The following VCX2 variants were observed in gnomAD, a reference collection of about 807,000 sequenced individuals.
The protein encoded by VCX2 is variable charge X-linked 2, also known as variable charge X-linked protein 2.
For synonymous variants in VCX2, 37 were observed against 53.9 expected, an observed-to-expected ratio of 0.69 and a Z score of 1.38; for missense variants, 83 against 116.6, an observed-to-expected ratio of 0.71 and a Z score of 1.33.
intron 1 of VCX2, 74 bp downstream of exon 1, chrX:8,171,033 C>T (rs1931600556): frequency 3.3e-6 from 1 of 300,756 alleles, no homozygotes; most frequent in Admixed American, 5.8e-5. Context: ...ACATGTTTCC[C>T]CCGGACCTCC....
rs148167054 is a variant in VCX2 at position 8,170,182 on chromosome X, C to T, written c.270G>A (p.Pro90=). 6.2e-5 allele frequency: 70 copies of T among 1,137,523 alleles called. No individual in the cohort carries two copies. The highest frequency in any genetic ancestry group is 7.9e-5 in the African/African-American group (3 of 38,171). The allele number at this position is 1,137,523 out of a possible 1,213,427, so 93.7% of individuals were successfully genotyped here. ...PSQELPQHEL[P]PEEPVSEGTQ... is the part of the protein sequence containing the mutation. ...TCCCCTCGCTCACTGGCTCCTCCGGCGGCAGCTCGTGCTGAGGGAGCTCCT... is the reference window on the plus strand; with the variant it reads ...TCCCCTCGCTCACTGGCTCCTCCGGTGGCAGCTCGTGCTGAGGGAGCTCCT... Residue 90 remains proline (P), a synonymous_variant, in exon 3 of 3, where the codon CCG becomes CCA. Transcript: ENST00000317103.
At position 8,169,945 on chromosome X, in the gene VCX2, C is replaced by G. The variant is rs1298514224; in HGVS notation, c.*87G>C. The G allele has an allele frequency of 1.0e-6, 1 of 958,516 alleles. No individual in the cohort carries two copies. Among genetic ancestry groups the G allele is most frequent in the African/African-American group, 3.4e-5 (1 of 29,527 alleles). The allele number at this position is 958,516 out of a possible 1,213,427, so 79.0% of individuals were successfully genotyped here. ...TCAGAGAACACGGAGTCACTCAGAT[C>G]AATTTGCAACACATTCATTTTATTA... On this transcript the variant is annotated 3_prime_UTR_variant, in exon 3 of 3. Coordinates refer to ENST00000317103, the MANE Select transcript of VCX2 (RefSeq NM_016378.3).
In VCX2 at chrX:8,170,142, G is replaced by T. The variant is rs757082080; in HGVS notation, c.310C>A (p.Leu104Met). ...PVSEGTQHDPLSQESEVEEPL... is the reference protein window; with the variant it reads ...PVSEGTQHDPMSQESEVEEPL... ...TCTTCCACCTCGCTCTCCTGACTCAGGGGGTCGTGCTGGGTCCCCTCGCTC... is the reference window on the plus strand; with the variant it reads ...TCTTCCACCTCGCTCTCCTGACTCATGGGGTCGTGCTGGGTCCCCTCGCTC... The change falls in exon 3 of 3, where the codon CTG (leucine) becomes ATG (methionine). Residue 104 changes from leucine to methionine, a missense_variant. Leu to Met is a conservative substitution (Grantham distance 15). Transcript: ENST00000317103. 16 of 1,080,034 alleles carry T rather than the reference G, an allele frequency of 1.5e-5. No individual in the cohort carries two copies. The highest frequency in any genetic ancestry group is 2.0e-5 in the Non-Finnish European group (16 of 816,752). The allele number at this position is 1,080,034 out of a possible 1,213,427, so 89.0% of individuals were successfully genotyped here. A position where few individuals can be genotyped will look rare whatever the true frequency, so the allele number is the denominator to read the frequency against.
Position 8,169,957 on chromosome X carries a change from C to T in VCX2, c.*75G>A, listed in dbSNP as rs1170159369. Reference sequence around the variant, plus strand: ...GAGTCACTCAGATCAATTTGCAACACATTCATTTTATTATCTTCAGAATGG... The same window carrying T: ...GAGTCACTCAGATCAATTTGCAACATATTCATTTTATTATCTTCAGAATGG... On this transcript the variant is annotated 3_prime_UTR_variant, in exon 3 of 3. Transcript: ENST00000317103. 7 of 1,085,344 alleles carry T rather than the reference C, an allele frequency of 6.4e-6. No individual in the cohort carries two copies. Among genetic ancestry groups the T allele is most frequent in the Non-Finnish European group, 8.5e-6 (7 of 827,470 alleles). 89.4% of individuals were successfully genotyped at this position (1,085,344 alleles called of 1,213,427 possible).
In VCX2 at chrX:8,170,080, C is replaced by T; in HGVS notation, c.372G>A (p.Leu124=). The T allele has an allele frequency of 8.3e-7, 1 of 1,199,462 alleles. No individual in the cohort carries two copies. The highest frequency in any genetic ancestry group is 1.1e-6 in the Non-Finnish European group (1 of 891,450). ...LSQESEVEEP[L]TVWMASFSPV... Reference sequence around the variant, plus strand: ...GGGAAAAGCTGGCCATCCACACAGTCAGTGGTTCTTCCACCTCGCTCTCCT... The same window carrying T: ...GGGAAAAGCTGGCCATCCACACAGTTAGTGGTTCTTCCACCTCGCTCTCCT... Residue 124 remains leucine (L), a synonymous_variant, in exon 3 of 3, where the codon CTG becomes CTA. Coordinates refer to ENST00000317103, the MANE Select transcript of VCX2 (RefSeq NM_016378.3).
rs759303482 is a variant in VCX2 at position 8,170,268 on chromosome X, C to T, written c.184G>A (p.Val62Met). The change falls in exon 3 of 3, where the codon GTG becomes ATG. Residue 62 changes from valine to methionine, a missense_variant. Coordinates refer to ENST00000317103, the MANE Select transcript of VCX2 (RefSeq NM_016378.3). The stretch of plus-strand genomic sequence containing the variant: ...GCGCTCTCCGCCTCAGGTGCCGTCA[C>T]GGCCGCCATCTTTGTCGCAGCCCCT... ...KKGAATKMAA[V>M]TAPEAESAPA... 38 of 1,091,087 alleles carry T rather than the reference C, an allele frequency of 3.5e-5. No homozygotes were observed. The highest frequency in any genetic ancestry group is 2.5e-4 in the South Asian group (13 of 52,072). The allele number at this position is 1,091,087 out of a possible 1,213,427, so 89.9% of individuals were successfully genotyped here.
Position 8,170,092 on chromosome X carries a change from C to T in VCX2, c.360G>A (p.Val120=). The change falls in exon 3 of 3, where the codon GTG becomes GTA. Residue 120 remains valine, a synonymous_variant. Transcript: ENST00000317103. ...VEEPLSQESE[V]EEPLTVWMAS... is the part of the protein sequence containing the mutation. ...CCATCCACACAGTCAGTGGTTCTTC[C>T]ACCTCGCTCTCCTGACTCAGTGGTT... 2 of 1,195,287 alleles carry T rather than the reference C, an allele frequency of 1.7e-6. No homozygotes were observed. The highest frequency in any genetic ancestry group is 2.2e-6 in the Non-Finnish European group (2 of 890,157).
rs1490752908 is a variant in VCX2 at position 8,171,127 on chromosome X, C to G, written c.-167G>C. 7 of 191,568 alleles carry G rather than the reference C, an allele frequency of 3.7e-5. No homozygotes were observed. The highest frequency in any genetic ancestry group is 3.1e-4 in the South Asian group (3 of 9,632). 15.8% of individuals were successfully genotyped at this position (191,568 alleles called of 1,213,427 possible). ...CCTATCTAAAATCCCTCCATGCTAA[C>G]TGGGATGGATGGAGGGCTATACGAA... On this transcript the variant is annotated 5_prime_UTR_variant, in exon 1 of 3. Coordinates refer to ENST00000317103, the MANE Select transcript of VCX2 (RefSeq NM_016378.3).
At position 8,170,024 on chromosome X, in the gene VCX2, G is replaced by T; in HGVS notation, c.*8C>A. On this transcript the variant is annotated 3_prime_UTR_variant, in exon 3 of 3. Coordinates refer to ENST00000317103, the MANE Select transcript of VCX2 (RefSeq NM_016378.3). ...GAGATCTCTGAGGTCTGGCGGCTGG[G>T]CCTGAACTTAGTCGGTGCTCTCGGA... The T allele has an allele frequency of 8.3e-7, 1 of 1,198,012 alleles. No individual in the cohort carries two copies.
At position 8,170,128 on chromosome X, in the gene VCX2, G is replaced by A. The variant is rs200914527; in HGVS notation, c.324C>T (p.Ser108=). The A allele has an allele frequency of 5.1e-6, 5 of 980,023 alleles. No homozygotes were observed. Among genetic ancestry groups the A allele is most frequent in the East Asian group, 6.7e-5 (2 of 29,991 alleles). 80.8% of individuals were successfully genotyped at this position (980,023 alleles called of 1,213,427 possible). ...GTQHDPLSQE[S]EVEEPLSQES... is the part of the protein sequence containing the mutation. ...CCTGACTCAGTGGTTCTTCCACCTC[G>A]CTCTCCTGACTCAGGGGGTCGTGCT... Residue 108 remains serine (S), a synonymous_variant, in exon 3 of 3, where the codon AGC becomes AGT. Coordinates refer to ENST00000317103, the MANE Select transcript of VCX2 (RefSeq NM_016378.3).
chrX:8,169,970 A>T lies in VCX2; in HGVS notation c.*62T>A, dbSNP rs1162966542. 1.8e-6 allele frequency: 2 copies of T among 1,124,124 alleles called. No individual in the cohort carries two copies. The highest frequency in any genetic ancestry group is 5.2e-5 in the Admixed American group (2 of 38,446). 92.6% of individuals were successfully genotyped at this position (1,124,124 alleles called of 1,213,427 possible). On this transcript the variant is annotated 3_prime_UTR_variant, in exon 3 of 3. Coordinates refer to ENST00000317103, the MANE Select transcript of VCX2 (RefSeq NM_016378.3). ...CAATTTGCAACACATTCATTTTATT[A>T]TCTTCAGAATGGCAAGCACCCCGCT...
chrX:8,170,052 C>T lies in VCX2; in HGVS notation c.400G>A (p.Val134Ile), dbSNP rs148114540. Residue 134 changes from valine to isoleucine, a missense_variant, in exon 3 of 3, where the codon GTC (valine) becomes ATC (isoleucine). Coordinates refer to ENST00000317103, the MANE Select transcript of VCX2 (RefSeq NM_016378.3). ...LTVWMASFSP[V>I]SESTD ...TGAACTTAGTCGGTGCTCTCGGAGACAGGGGAAAAGCTGGCCATCCACACA... is the reference window on the plus strand; with the variant it reads ...TGAACTTAGTCGGTGCTCTCGGAGATAGGGGAAAAGCTGGCCATCCACACA... 416 of 1,195,230 alleles carry T rather than the reference C, an allele frequency of 3.5e-4. 2 individuals carry two copies. Among genetic ancestry groups the T allele is most frequent in the South Asian group, 2.1e-4 (12 of 56,018 alleles).
rs77780768 is a variant in VCX2, at chrX:8,170,047, G to A, written c.405C>T (p.Ser135=). The change falls in exon 3 of 3, where the codon TCC becomes TCT. Residue 135 remains serine (S), a synonymous_variant. Transcript: ENST00000317103. ...GGGCCTGAACTTAGTCGGTGCTCTC[G>A]GAGACAGGGGAAAAGCTGGCCATCC... ...TVWMASFSPV[S]ESTD 0.052 allele frequency: 61,741 copies of A among 1,193,517 alleles called. 1,365 individuals carry two copies. The highest frequency in any genetic ancestry group is 0.057 in the Non-Finnish European group (51,000 of 889,714).
In VCX2 at chrX:8,170,188, C is replaced by T; in HGVS notation, c.264G>A (p.Glu88=). 1 of 1,139,010 alleles carries T rather than the reference C, an allele frequency of 8.8e-7. No homozygotes were observed. Among genetic ancestry groups the T allele is most frequent in the Non-Finnish European group, 1.2e-6 (1 of 864,467 alleles). 93.9% of individuals were successfully genotyped at this position (1,139,010 alleles called of 1,213,427 possible). ...DQPSQELPQH[E]LPPEEPVSEG... ...CGCTCACTGGCTCCTCCGGCGGCAG[C>T]TCGTGCTGAGGGAGCTCCTGGCTGG... Residue 88 remains glutamate (E), a synonymous_variant, in exon 3 of 3, where the codon GAG becomes GAA. Coordinates refer to ENST00000317103, the MANE Select transcript of VCX2 (RefSeq NM_016378.3).
chrX:8,170,004 C>G lies in VCX2; in HGVS notation c.*28G>C, dbSNP rs749598929. ...ATGGCAAGCACCCCGCTGGTGAGAT[C>G]TCTGAGGTCTGGCGGCTGGGCCTGA... On this transcript the variant is annotated 3_prime_UTR_variant, in exon 3 of 3. Coordinates refer to ENST00000317103, the MANE Select transcript of VCX2 (RefSeq NM_016378.3). The G allele has an allele frequency of 1.7e-6, 2 of 1,181,047 alleles. No homozygotes were observed. The highest frequency in any genetic ancestry group is 2.3e-5 in the Admixed American group (1 of 42,582).
At position 8,170,049 on chromosome X, in the gene VCX2, A is replaced by T; in HGVS notation, c.403T>A (p.Ser135Thr). The T allele has an allele frequency of 8.3e-7, 1 of 1,203,648 alleles. No homozygotes were observed. Among genetic ancestry groups the T allele is most frequent in the Non-Finnish European group, 1.1e-6 (1 of 893,508 alleles). Residue 135 changes from serine (S) to threonine (T), a missense_variant, in exon 3 of 3, where the codon TCC becomes ACC. Ser to Thr is a moderately conservative substitution (Grantham distance 58). Transcript: ENST00000317103. The stretch of plus-strand genomic sequence containing the variant: ...GCCTGAACTTAGTCGGTGCTCTCGG[A>T]GACAGGGGAAAAGCTGGCCATCCAC... The part of the protein sequence containing the change: ...TVWMASFSPV[S>T]ESTD
At position 8,170,033 on chromosome X, in the gene VCX2, T is replaced by C. The variant is rs767562873; in HGVS notation, c.419A>G (p.Ter140=). The change falls in exon 3 of 3, where the codon TAA becomes TGA. Residue 140 remains the stop codon, a stop_retained_variant. Coordinates refer to ENST00000317103, the MANE Select transcript of VCX2 (RefSeq NM_016378.3). Reference sequence around the variant, plus strand: ...GAGGTCTGGCGGCTGGGCCTGAACTTAGTCGGTGCTCTCGGAGACAGGGGA... The same window carrying C: ...GAGGTCTGGCGGCTGGGCCTGAACTCAGTCGGTGCTCTCGGAGACAGGGGA... ...SFSPVSESTD[*] The C allele has an allele frequency of 1.7e-6, 2 of 1,199,656 alleles. No homozygotes were observed. Among genetic ancestry groups the C allele is most frequent in the South Asian group, 3.6e-5 (2 of 56,327 alleles).
chrX:8,170,046 C>T lies in VCX2; in HGVS notation c.406G>A (p.Glu136Lys), dbSNP rs367870399. The T allele has an allele frequency of 1.1e-5, 13 of 1,195,272 alleles. No homozygotes were observed. Among genetic ancestry groups the T allele is most frequent in the Admixed American group, 4.5e-5 (2 of 44,098 alleles). ...TGGGCCTGAACTTAGTCGGTGCTCT[C>T]GGAGACAGGGGAAAAGCTGGCCATC... is the stretch of plus-strand genomic sequence containing the variant. ...VWMASFSPVS[E>K]STD The change falls in exon 3 of 3, where the codon GAG (glutamate) becomes AAG (lysine). Residue 136 changes from glutamate (E) to lysine (K), a missense_variant. Glu to Lys is a moderately conservative substitution (Grantham distance 56, BLOSUM62 1). Transcript: ENST00000317103.
At chrX:8,170,396 G>C (rs754244915) in intron 2 of VCX2, 47 bp from the exon 3 acceptor site, 3 of 776,080 alleles carry the variant, frequency 3.9e-6, no homozygotes, top group Non-Finnish European at 5.2e-6. Context: ...GTTTAGGGAC[G>C]AGGATGGAGG....
Sources: allele counts gnomAD v4.1 joint callset, GRCh38; gene constraint gnomAD v4.1.1; transcripts MANE v1.5; gene names NCBI Gene and HGNC (gene_info 2026-07-23, HGNC 2026-07-21).